The following LIPI variants were observed in gnomAD, a reference collection of about 807,000 sequenced individuals.
The protein encoded by LIPI is lipase I, also known as lipase member I.
A neutral mutation model predicts 50.6 loss-of-function variants in LIPI; 59 were observed. The ratio of observed to expected loss-of-function variants is 1.16; its 90% CI spans 0.94 to 1.45. The LOEUF is 1.45. Ranked by LOEUF, LIPI falls within the 40% of genes most tolerant of loss-of-function variation. LIPI has a pLI of 0.00. For missense variants in LIPI, 586 were observed against 536.3 expected, an observed-to-expected ratio of 1.09 and a Z score of -0.92; for synonymous variants, 203 against 178.2, an observed-to-expected ratio of 1.14 and a Z score of -1.11.
At position 14,161,576 on chromosome 21, in the gene LIPI, TA is replaced by T. The variant is rs1381634065; in HGVS notation, c.1006+1842del. ...ATTAATATATTATATCTATTATATA[TA>T]TAATATATATCTATATAATATATTA... is the stretch of plus-strand genomic sequence containing the variant. On this transcript the variant is annotated intron_variant, in intron 7 of 9. Coordinates refer to ENST00000681601, the MANE Select transcript of LIPI (RefSeq NM_001302998.2). 2.5e-4 allele frequency among the ~76,000 whole-genome samples: 30 copies of T among 120,416 alleles called. 1 individual carries two copies. Among genetic ancestry groups the T allele is most frequent in the African/African-American group, 9.3e-4 (28 of 30,026 alleles). The allele number at this position is 120,416 out of a possible 152,430, so 79.0% of individuals were successfully genotyped here.
Position 14,122,151 on chromosome 21 carries a change from C to T in LIPI, c.1296-13071G>A, listed in dbSNP as rs537993506. Among the ~76,000 whole-genome samples, 30 of 152,160 alleles carry T rather than the reference C, an allele frequency of 2.0e-4. 1 individual carries two copies. The highest frequency in any genetic ancestry group is 3.4e-3 in the Middle Eastern group (1 of 294). ...GTAGTGACAATAATGCTAACAGGCACGGGAGGAAACCAAGATAATTGTCAT... is the reference window on the plus strand; with the variant it reads ...GTAGTGACAATAATGCTAACAGGCATGGGAGGAAACCAAGATAATTGTCAT... On this transcript the variant is annotated intron_variant, in intron 9 of 9. Coordinates refer to ENST00000681601, the MANE Select transcript of LIPI (RefSeq NM_001302998.2).
chr21:14,163,919 T>C (rs548420561), intron 6 of LIPI, among the ~76,000 whole-genome samples: 2 of 151,514 alleles, frequency 1.3e-5, no homozygotes, highest in African/African-American at 2.4e-5. Flanking sequence ...AGCTCCCTAA[T>C]TCTCCAATAC....
chr21:14,187,967 T>C (rs2019513522), intron 2 of LIPI, among the ~76,000 whole-genome samples: 1 of 152,194 alleles, frequency 6.6e-6, no homozygotes, highest in South Asian at 2.1e-4. Context: ...GGCCACTACA[T>C]ATAACGGCTT....
chr21:14,177,064 T>TCACTATGATTGTGTATTTAGGTTA (rs2030156621), intron 4 of LIPI, among the ~76,000 whole-genome samples: 1 of 152,154 alleles, frequency 6.6e-6, no homozygotes, highest in Admixed American at 6.5e-5. Flanking sequence ...TTAAAATTAT[T>TCACTATGATTGTGTATTTAGGTTA]CACTATGATT....
Position 14,189,238 on chromosome 21 carries a change from T to C in LIPI, c.228A>G (p.Thr76=), listed in dbSNP as rs2019568060. 1 of 1,613,890 alleles carries C rather than the reference T, an allele frequency of 6.2e-7. No homozygotes were observed. The highest frequency in any genetic ancestry group is 8.5e-7 in the Non-Finnish European group (1 of 1,179,864). Reference sequence around the variant, plus strand: ...GTCTGTATCCGTGAATAAGCCAGACTGTTTTCTTTTGTGTGTTGAAATTAA... The same window carrying C: ...GTCTGTATCCGTGAATAAGCCAGACCGTTTTCTTTTGTGTGTTGAAATTAA... ...LNVNFNTQKK[T]VWLIHGYRPV... The change falls in exon 2 of 10, where the codon ACA becomes ACG. Residue 76 remains threonine, a synonymous_variant. Transcript: ENST00000681601.
chr21:14,161,876 CATATATTATATTAATATA>C (rs1293501935), intron 7 of LIPI, among the ~76,000 whole-genome samples: 2,336 of 119,474 alleles, frequency 0.02, 215 homozygotes, highest in Middle Eastern at 0.028. Context: ...TATAATATAA[CATATATTATATTAATATA>C]ATATAGATAT....
intron 2 of LIPI, among the ~76,000 whole-genome samples, chr21:14,188,384 A>T (rs1392815424): frequency 1.3e-5 from 2 of 152,008 alleles, no homozygotes; most frequent in African/African-American, 4.8e-5. Flanking sequence ...CCTGGCCAAC[A>T]TGGTGAAACC....
At chr21:14,171,545 T>G (rs28883061) in intron 4 of LIPI, among the ~76,000 whole-genome samples, 2 of 147,456 alleles carry the variant, frequency 1.4e-5, no homozygotes, top group Admixed American at 1.4e-4. Flanking sequence ...AGAACAGAGC[T>G]CTCAGAAACA....
At chr21:14,199,399 A>G (rs2019972264) in intron 1 of LIPI, among the ~76,000 whole-genome samples, 1 of 151,968 alleles carries the variant, frequency 6.6e-6, no homozygotes, top group South Asian at 2.1e-4. Context: ...GGAATCAGTA[A>G]CAAGGGTTAT....
chr21:14,113,972 G>A (rs2016517627), intron 9 of LIPI, among the ~76,000 whole-genome samples: 1 of 152,122 alleles, frequency 6.6e-6, no homozygotes, highest in African/African-American at 2.4e-5. Flanking sequence ...TGGATCATGA[G>A]GTCAGCAGAT....
intron 1 of LIPI, among the ~76,000 whole-genome samples, chr21:14,193,774 A>T (rs192654417): frequency 2.9e-3 from 436 of 152,218 alleles, no homozygotes; most frequent in Middle Eastern, 0.01. Context: ...GAAAAAAAAA[A>T]TGAGTAAATT....
chr21:14,172,476 A>T (rs2018949015), intron 4 of LIPI, among the ~76,000 whole-genome samples: 1 of 151,816 alleles, frequency 6.6e-6, no homozygotes, highest in African/African-American at 2.4e-5. Flanking sequence ...CAAATGTCCA[A>T]CAATGATAGA....
intron 9 of LIPI, among the ~76,000 whole-genome samples, chr21:14,121,946 C>G (rs2016878578): frequency 6.6e-6 from 1 of 152,218 alleles, no homozygotes; most frequent in South Asian, 2.1e-4. Flanking sequence ...AGGAAGCTGA[C>G]TAGTCTACGC....
chr21:14,168,513 C>G (rs1312643786), intron 4 of LIPI, among the ~76,000 whole-genome samples: 2 of 152,222 alleles, frequency 1.3e-5, no homozygotes, highest in Non-Finnish European at 2.9e-5. Context: ...AACAGCGGAT[C>G]TCTCGGCAGA....
At position 14,165,073 on chromosome 21, in the gene LIPI, T is replaced by A. The variant is rs1335015882; in HGVS notation, c.901+150A>T. On this transcript the variant is annotated intron_variant, in intron 6 of 9. Coordinates refer to ENST00000681601, the MANE Select transcript of LIPI (RefSeq NM_001302998.2). Reference sequence around the variant, plus strand: ...TTAGTAGGGAATGAAATATTTACTCTGTACCACATCTCTACAGATGATTTT... The same window carrying A: ...TTAGTAGGGAATGAAATATTTACTCAGTACCACATCTCTACAGATGATTTT... 1.6e-5 allele frequency: 10 copies of A among 623,990 alleles called. No homozygotes were observed. The East Asian group carries it at 2.8e-4, about 18-fold the overall frequency. The allele number at this position is 623,990 out of a possible 1,614,324, so 38.7% of individuals were successfully genotyped here.
intron 4 of LIPI, among the ~76,000 whole-genome samples, chr21:14,167,761 G>A (rs1000496954): frequency 2.0e-5 from 3 of 152,042 alleles, no homozygotes; most frequent in South Asian, 2.1e-4. Context: ...CACAAAAATG[G>A]GGAAAAAACA....
At chr21:14,210,757 T>G in intron 1 of LIPI, 43 bp downstream of exon 1, 1 of 826,382 alleles carries the variant, frequency 1.2e-6, no homozygotes. Flanking sequence ...CTATTTTATA[T>G]GCAATTTTTA....
At chr21:14,144,896 C>A in intron 8 of LIPI, 97 bp from the exon 9 acceptor site, 1 of 755,910 alleles carries the variant, frequency 1.3e-6, no homozygotes, top group Non-Finnish European at 2.2e-6. Flanking sequence ...CCACAGAGAA[C>A]AAAATTATAG....
At chr21:14,137,770 A>G (rs979002246) in intron 9 of LIPI, among the ~76,000 whole-genome samples, 3 of 152,204 alleles carry the variant, frequency 2.0e-5, no homozygotes, top group African/African-American at 7.2e-5. Flanking sequence ...AAGTTATAGA[A>G]TATCAAACAG....
Sources: allele counts gnomAD v4.1 joint callset (sites outside exome capture counted in the v4.1 genomes callset), GRCh38; gene constraint gnomAD v4.1.1; transcripts MANE v1.5; gene names NCBI Gene and HGNC (gene_info 2026-07-23, HGNC 2026-07-21).